PARP10: variants seen among roughly 807,000 people sequenced by gnomAD.
PARP10 encodes the protein protein mono-ADP-ribosyltransferase PARP10.
In PARP10, 56 loss-of-function variants were observed where a neutral mutation model predicts 82.4. That is an observed-to-expected ratio of 0.68 (90% CI 0.55 to 0.85). PARP10 has a LOEUF of 0.85. Among genes scored for constraint, PARP10 ranks in the 40% least tolerant of loss-of-function variants. The pLI, the probability that PARP10 is intolerant of heterozygous loss-of-function variation, is 0.00. For synonymous variants in PARP10, 576 were observed against 601.1 expected (o/e 0.96, Z 0.61); for missense variants, 1,227 against 1,379.4 (o/e 0.89, Z 1.75).
chr8:143,979,650 C>T (rs1833799690), intron 9 of PARP10, among the ~76,000 whole-genome samples: 6 of 152,200 alleles, frequency 3.9e-5, no homozygotes, highest in Admixed American at 3.9e-4. Flanking sequence ...GTGGCTCACG[C>T]CTGTAATCCT....
chr8:144,009,307 G>A (rs192942448), intron 1 of PARP10, among the ~76,000 whole-genome samples: 5 of 152,052 alleles, frequency 3.3e-5, no homozygotes, highest in African/African-American at 1.2e-4. Context: ...ACACTTTTTC[G>A]GTCTTCATCT....
Position 143,984,383 on chromosome 8 carries a change from TC to T in PARP10, c.1506del (p.Ser503AlafsTer88). 6.2e-7 allele frequency: 1 copy of T among 1,612,754 alleles called. No homozygotes were observed. Among genetic ancestry groups the T allele is most frequent in the Non-Finnish European group, 8.5e-7 (1 of 1,179,730 alleles). On this transcript the variant is annotated frameshift_variant, in exon 6 of 11. Transcript: ENST00000313028. LOFTEE classifies it high-confidence loss of function. Reference protein sequence around the residue: ...ASCQAAEEFLRSLLGSISCHV... With the variant: ...ASCQAAEEFLXSLLGSISCHV... Reference sequence around the variant, plus strand: ...TGGCAGCTAATGCTGCCCAGCAGGCTCCGCAGAAACTCCTCAGCCGCCTGGC... The same window carrying T: ...TGGCAGCTAATGCTGCCCAGCAGGCTCGCAGAAACTCCTCAGCCGCCTGGC...
Position 143,977,812 on chromosome 8 carries a change from C to T in PARP10, c.2750G>A (p.Gly917Asp). ...GGAGGCGCGCCTGGCGAAATACACG[C>T]CCTTCCCGTAGACCGTGGCTGCAGG... ...CGRNATVYGKGVYFARRASLS... is the reference protein window; with the variant it reads ...CGRNATVYGKDVYFARRASLS... Residue 917 changes from glycine to aspartate, a missense_variant, in exon 11 of 11, where the codon GGC becomes GAC. Gly to Asp is a moderately conservative substitution (Grantham distance 94, BLOSUM62 -1). Coordinates refer to ENST00000313028, the MANE Select transcript of PARP10 (RefSeq NM_032789.5). 1 of 1,600,846 alleles carries T rather than the reference C, an allele frequency of 6.2e-7. No individual in the cohort carries two copies. Among genetic ancestry groups the T allele is most frequent in the South Asian group, 1.1e-5 (1 of 89,680 alleles).
chr8:143,984,844 G>T lies in PARP10; in HGVS notation c.1158C>A (p.Gly386=). The change falls in exon 5 of 11, where the codon GGC becomes GGA. Residue 386 remains glycine, a synonymous_variant. Transcript: ENST00000313028. ...GCAACCCCTTAGAGGTCTCCACTGG[G>T]CCTGCAGACCCCACAGGCCCCAGGC... is the stretch of plus-strand genomic sequence containing the variant. ...PMSLGPVGSA[G]PVETSKGLLG... is the part of the protein sequence containing the mutation. 9 of 1,612,400 alleles carry T rather than the reference G, an allele frequency of 5.6e-6. No homozygotes were observed. The highest frequency in any genetic ancestry group is 6.8e-6 in the Non-Finnish European group (8 of 1,178,980).
chr8:144,006,278 C>T (rs78621112), intron 1 of PARP10, among the ~76,000 whole-genome samples: 4,849 of 152,342 alleles, frequency 0.032, 274 homozygotes, highest in African/African-American at 0.11. Flanking sequence ...CCAGCCAGTG[C>T]CTTCTCTGTC....
chr8:143,977,606 T>C lies in PARP10; in HGVS notation c.2956A>G (p.Ser986Gly). Residue 986 changes from serine (S) to glycine (G), a missense_variant, in exon 11 of 11, where the codon AGC becomes GGC. Coordinates refer to ENST00000313028, the MANE Select transcript of PARP10 (RefSeq NM_032789.5). ...GTGTCGTGGAAGATGACGAAGATGC[T>C]GGGCTGGCAGATGCAGTCCACGGCG... ...DSAVDCICQP[S>G]IFVIFHDTQA... 6.3e-7 allele frequency: 1 copy of C among 1,587,750 alleles called. No individual in the cohort carries two copies. Among genetic ancestry groups the C allele is most frequent in the Non-Finnish European group, 8.6e-7 (1 of 1,167,832 alleles).
upstream of PARP10, chr8:143,991,357 C>A: frequency 2.3e-6 from 3 of 1,291,228 alleles, no homozygotes; most frequent in Non-Finnish European, 3.2e-6. Context: ...TACCCACAGC[C>A]CCCTTTCCAG....
At chr8:143,986,504 G>T (rs1337640578), upstream of PARP10, 1 of 1,311,594 alleles carries the variant, frequency 7.6e-7, no homozygotes, top group South Asian at 1.2e-5. Flanking sequence ...TGGGCCCTGG[G>T]CGCTGAGGCC....
upstream of PARP10, among the ~76,000 whole-genome samples, chr8:143,988,189 A>C (rs149570887): frequency 7.5e-5 from 7 of 93,352 alleles, no homozygotes; most frequent in Non-Finnish European, 6.7e-5. Context: ...TCGCCCTTTC[A>C]CCCAGGCTGG....
chr8:143,991,491 C>A, upstream of PARP10: 3 of 1,529,836 alleles, frequency 2.0e-6, no homozygotes, highest in Non-Finnish European at 2.6e-6. Context: ...AGAGGGCTAC[C>A]CACAGGGCCC....
upstream of PARP10, chr8:143,986,473 C>T (rs782437432): frequency 1.7e-5 from 26 of 1,566,310 alleles, 1 homozygote; most frequent in Non-Finnish European, 2.1e-5. Context: ...AACTGAAAGA[C>T]GGAAGGAGGG....
At chr8:143,978,461 C>T (rs960837889) in intron 9 of PARP10, among the ~76,000 whole-genome samples, 3 of 152,208 alleles carry the variant, frequency 2.0e-5, no homozygotes, top group Non-Finnish European at 2.9e-5. Context: ...GAGAGAAGGC[C>T]TCAGGTGACC....
intron 9 of PARP10, 144 bp from the exon 10 acceptor site, chr8:143,978,225 G>T: frequency 2.1e-6 from 2 of 963,976 alleles, no homozygotes; most frequent in Non-Finnish European, 2.9e-6. Context: ...ATCATGCTCT[G>T]TCCAGCAGCA....
At position 144,010,586 on chromosome 8, in the gene PARP10, G is replaced by A. The variant is rs562366356; in HGVS notation, c.-80+1944C>T. Reference sequence around the variant, plus strand: ...AACTTCAGGTTTTTTTCACTCTTAAGTTCTTCTGCCAGGCACAGTAGCTCA... The same window carrying A: ...AACTTCAGGTTTTTTTCACTCTTAAATTCTTCTGCCAGGCACAGTAGCTCA... On this transcript the variant is annotated intron_variant, in intron 1 of 3. Coordinates refer to the PARP10 transcript ENST00000530478. Among the ~76,000 whole-genome samples, 18 of 152,256 alleles carry A rather than the reference G, an allele frequency of 1.2e-4. No homozygotes were observed. In the South Asian group the frequency reaches 3.7e-3, roughly 32 times the overall value.
At position 143,983,482 on chromosome 8, in the gene PARP10, T is replaced by TC; in HGVS notation, c.2106dup (p.Thr703AspfsTer2). ...ACCACCAGCTGGGCCTTGCCATCAG[T>TC]CCCCCCATCTGGGGGCTCTTCTGCC... On this transcript the variant is annotated frameshift_variant, in exon 8 of 11. Coordinates refer to ENST00000313028, the MANE Select transcript of PARP10 (RefSeq NM_032789.5). LOFTEE classifies it high-confidence loss of function. 1.2e-6 allele frequency: 2 copies of TC among 1,606,554 alleles called. No individual in the cohort carries two copies. Among genetic ancestry groups the TC allele is most frequent in the Non-Finnish European group, 1.7e-6 (2 of 1,178,136 alleles).
exon 1 of PARP10, chr8:144,012,604 T>G (rs1554752618): frequency 1.3e-6 from 2 of 1,551,750 alleles, no homozygotes; most frequent in Admixed American, 3.9e-5. Flanking sequence ...TTGGTGCGGC[T>G]CATTCGGGAG....
chr8:143,991,001 A>G, upstream of PARP10: 1 of 376,002 alleles, frequency 2.7e-6, no homozygotes, highest in Non-Finnish European at 4.8e-6. Context: ...AGCCCTGGGA[A>G]GGCCCCACGG....
rs368728419 is a variant in PARP10, at chr8:144,001,729, GAGAAA to G, written c.-80+10796_-80+10800del. 7.6e-4 allele frequency among the ~76,000 whole-genome samples: 116 copies of G among 151,944 alleles called. No homozygotes were observed. The East Asian group carries it at 9.7e-3, about 13-fold the overall frequency. On this transcript the variant is annotated intron_variant, in intron 1 of 3. Transcript: ENST00000530478. ...CTCAAAAAGAGAAGAGAAGAGAAAA[GAGAAA>G]AGAAAAGAAAAGAAAAGAAAAGTCT... is the stretch of plus-strand genomic sequence containing the variant.
intron 1 of PARP10, among the ~76,000 whole-genome samples, chr8:144,001,246 C>T (rs1426812120): frequency 1.3e-5 from 2 of 151,836 alleles, no homozygotes; most frequent in African/African-American, 2.4e-5. Context: ...GAGTCTCACT[C>T]TATTGCCCAG....
Sources: gnomAD v4.1 joint callset for allele counts (sites outside exome capture counted in the v4.1 genomes callset) on GRCh38, gnomAD v4.1.1 for gene constraint, MANE v1.5 for transcripts, NCBI Gene and HGNC (gene_info 2026-07-23, HGNC 2026-07-21) for gene names.